The following LANCL1 variants were observed in gnomAD, a reference collection of about 807,000 sequenced individuals.
LANCL1 encodes LanC like glutathione S-transferase 1, also known as glutathione S-transferase LANCL1.
A neutral mutation model predicts 50.6 loss-of-function variants in LANCL1; 50 were observed. The observed-to-expected ratio is 0.99, with a 90% CI of 0.79 to 1.25. The LOEUF is 1.25. LANCL1 is among the 50% of genes most tolerant of loss of function. The pLI is 0.00. For missense variants in LANCL1, 532 were observed against 480.7 expected, an observed-to-expected ratio of 1.11 and a Z score of -1.00; for synonymous variants, 188 against 178.6, an observed-to-expected ratio of 1.05 and a Z score of -0.42.
At chr2:210,451,100 C>T (rs1194008945) in intron 4 of LANCL1, among the ~76,000 whole-genome samples, 1 of 152,162 alleles carries the variant, frequency 6.6e-6, no homozygotes, top group Non-Finnish European at 1.5e-5. Flanking sequence ...CAAAGATAGA[C>T]TGGATAAAGA....
chr2:210,442,837 T>C (rs967302098), intron 4 of LANCL1: 1 of 152,260 alleles, frequency 6.6e-6, no homozygotes, highest in Non-Finnish European at 1.5e-5. Context: ...GAACTCCTAA[T>C]ATCAGAGAGA....
chr2:210,460,131 A>G (rs1050257159), intron 3 of LANCL1, among the ~76,000 whole-genome samples: 2 of 152,202 alleles, frequency 1.3e-5, no homozygotes, highest in African/African-American at 4.8e-5. Flanking sequence ...GCGATTTTGC[A>G]TTCTACAGAT....
chr2:210,443,634 G>A (rs1693217186), intron 4 of LANCL1, among the ~76,000 whole-genome samples: 1 of 152,160 alleles, frequency 6.6e-6, no homozygotes, highest in Non-Finnish European at 1.5e-5. Flanking sequence ...CAGAAGCAGT[G>A]TGCCGTGCCT....
At chr2:210,464,589 C>T (rs923229607) in intron 3 of LANCL1, among the ~76,000 whole-genome samples, 2 of 152,038 alleles carry the variant, frequency 1.3e-5, no homozygotes, top group Non-Finnish European at 2.9e-5. Context: ...CATGAATGCA[C>T]AAAATATATA....
intron 9 of LANCL1, 71 bp from the exon 10 acceptor site, chr2:210,434,634 C>T: frequency 4.0e-6 from 5 of 1,251,726 alleles, no homozygotes; most frequent in Non-Finnish European, 1.2e-6. Flanking sequence ...TCTTTTTCCC[C>T]CATATCTTTA....
At chr2:210,456,693 A>C (rs1693683955) in intron 3 of LANCL1, among the ~76,000 whole-genome samples, 1 of 152,132 alleles carries the variant, frequency 6.6e-6, no homozygotes, top group Non-Finnish European at 1.5e-5. Context: ...TGATCCATTT[A>C]AATTGTTAAC....
At chr2:210,452,089 AAAAT>A (rs1449375756) in intron 4 of LANCL1, among the ~76,000 whole-genome samples, 1 of 152,138 alleles carries the variant, frequency 6.6e-6, no homozygotes, top group African/African-American at 2.4e-5. Flanking sequence ...ACATTTTTTG[AAAAT>A]AAATAGTGCT....
chr2:210,438,304 T>G (rs1693009683), intron 6 of LANCL1, among the ~76,000 whole-genome samples: 1 of 152,102 alleles, frequency 6.6e-6, no homozygotes, highest in African/African-American at 2.4e-5. Context: ...CTGGCTAATT[T>G]TTGTGTTTTT....
At position 210,476,625 on chromosome 2, in the gene LANCL1, C is replaced by T. The variant is rs10932334; in HGVS notation, c.-22G>A. 0.5 allele frequency: 652,861 copies of T among 1,301,138 alleles called. 167,030 individuals are homozygous for T. Among genetic ancestry groups the T allele is most frequent in the East Asian group, 0.6 (19,667 of 32,778 alleles). The allele number at this position is 1,301,138 out of a possible 1,614,324, so 80.6% of individuals were successfully genotyped here. A position where few individuals can be genotyped will look rare whatever the true frequency, so the allele number is the denominator to read the frequency against. On this transcript the variant is annotated 5_prime_UTR_variant, in exon 1 of 10. Transcript: ENST00000450366. ...TGCCAGGGCCCTTAACCCACCCGGA[C>T]AAAGAGGCCCCGTTTTGCAACCCCG...
In LANCL1 at chr2:210,434,097, C is replaced by T. The variant is rs535919904; in HGVS notation, c.*390G>A. On this transcript the variant is annotated 3_prime_UTR_variant, in exon 10 of 10. Transcript: ENST00000450366. ...TATTAAAGAGAAGTGAAGTGTAATA[C>T]CCAATAATAGTCACATATTTATCTT... 1 of 154,294 alleles carries T rather than the reference C, an allele frequency of 6.5e-6. No homozygotes were observed. Among genetic ancestry groups the T allele is most frequent in the East Asian group, 1.9e-4 (1 of 5,310 alleles). The allele number at this position is 154,294 out of a possible 1,614,324, so 9.6% of individuals were successfully genotyped here.
intron 1 of LANCL1, 36 bp downstream of exon 1, chr2:210,476,584 G>C: frequency 7.3e-7 from 1 of 1,361,686 alleles, no homozygotes; most frequent in Admixed American, 3.5e-5. Context: ...AGGACATGGC[G>C]CCTTCGCGAA....
chr2:210,476,000 CCT>C (rs1425897143), intron 2 of LANCL1, among the ~76,000 whole-genome samples: 1 of 152,120 alleles, frequency 6.6e-6, no homozygotes, highest in Non-Finnish European at 1.5e-5. Flanking sequence ...GGATTCTTCA[CCT>C]CTTTTTAAGA....
chr2:210,474,458 G>A (rs1197260638), intron 2 of LANCL1, among the ~76,000 whole-genome samples: 1 of 151,914 alleles, frequency 6.6e-6, no homozygotes, highest in Non-Finnish European at 1.5e-5. Context: ...GCTCACACCT[G>A]TAATCCCGGC....
chr2:210,446,058 G>T (rs928548948), intron 4 of LANCL1, among the ~76,000 whole-genome samples: 50 of 152,152 alleles, frequency 3.3e-4, no homozygotes, highest in Non-Finnish European at 7.2e-4. Flanking sequence ...ACATTCCTGC[G>T]TGCCGGCTCT....
At position 210,440,729 on chromosome 2, in the gene LANCL1, A is replaced by T. The variant is rs946713321; in HGVS notation, c.559T>A (p.Leu187Ile). 37 of 1,613,540 alleles carry T rather than the reference A, an allele frequency of 2.3e-5. No individual in the cohort carries two copies. The highest frequency in any genetic ancestry group is 3.1e-5 in the Non-Finnish European group (37 of 1,179,780). The part of the protein sequence containing the change: ...SHIQQICETI[L>I]TSGENLARKR... ...CTAGCTAGGTTTTCTCCAGAGGTTA[A>T]AATTGTTTCACAAATCTACAGGGAG... is the stretch of plus-strand genomic sequence containing the variant. The change falls in exon 6 of 10, where the codon TTA becomes ATA. Residue 187 changes from leucine to isoleucine, a missense_variant. Coordinates refer to ENST00000450366, the MANE Select transcript of LANCL1 (RefSeq NM_006055.3).
rs1692780401 is a variant in LANCL1 at position 210,432,500 on chromosome 2, C to A, written c.*1987G>T. 6.6e-6 allele frequency: 1 copy of A among 152,144 alleles called. No homozygotes were observed. The highest frequency in any genetic ancestry group is 1.5e-5 in the Non-Finnish European group (1 of 68,034). The allele number at this position is 152,144 out of a possible 1,614,324, so 9.4% of individuals were successfully genotyped here. A position where few individuals can be genotyped will look rare whatever the true frequency, so the allele number is the denominator to read the frequency against. ...TAGGCATAAATGGGTTAACAAGAAT[C>A]TTATTTGAAATGTTCTTCTCCCTGC... On this transcript the variant is annotated 3_prime_UTR_variant, in exon 10 of 10. Coordinates refer to ENST00000450366, the MANE Select transcript of LANCL1 (RefSeq NM_006055.3).
In LANCL1 at chr2:210,444,373, G is replaced by A. The variant is rs556237026; in HGVS notation, c.408-2930C>T. Among the ~76,000 whole-genome samples, 6 of 152,254 alleles carry A rather than the reference G, an allele frequency of 3.9e-5. No homozygotes were observed. The South Asian group carries it at 1.2e-3, about 32-fold the overall frequency. ...TACTTCCACACGCTTGTGGTGAGGG[G>A]GGAGAAAACATTTAAAATGAAGAGG... On this transcript the variant is annotated intron_variant, in intron 4 of 9. Coordinates refer to ENST00000450366, the MANE Select transcript of LANCL1 (RefSeq NM_006055.3).
chr2:210,440,826 G>C, intron 5 of LANCL1, 82 bp from the exon 6 acceptor site: 1 of 1,281,342 alleles, frequency 7.8e-7, no homozygotes, highest in South Asian at 1.5e-5. Context: ...TTTGCTAAGA[G>C]GTACTGGGGA....
intron 3 of LANCL1, among the ~76,000 whole-genome samples, chr2:210,463,826 G>A (rs966065707): frequency 6.6e-6 from 1 of 152,046 alleles, no homozygotes; most frequent in Non-Finnish European, 1.5e-5. Flanking sequence ...CCACGGTCAG[G>A]GCATTTTTAC....
Sources: allele counts gnomAD v4.1 joint callset (sites outside exome capture counted in the v4.1 genomes callset), GRCh38; gene constraint gnomAD v4.1.1; transcripts MANE v1.5; gene names NCBI Gene and HGNC (gene_info 2026-07-23, HGNC 2026-07-21).